Variants in CRTC1 observed in about 807,000 individuals in gnomAD.
The protein encoded by CRTC1 is CREB regulated transcription coactivator 1.
In CRTC1, 18 loss-of-function variants were observed where a neutral mutation model predicts 66.1. That is an observed-to-expected ratio of 0.27 (90% confidence interval 0.19 to 0.40). The LOEUF is 0.40. Ranked by LOEUF, CRTC1 falls within the 10% of genes least tolerant of loss-of-function variation. CRTC1 has a pLI of 1.00. For synonymous variants in CRTC1, 416 were observed against 398.8 expected, an observed-to-expected ratio of 1.04 and a Z score of -0.51; for missense variants, 669 against 887.9, an observed-to-expected ratio of 0.75 and a Z score of 3.13.
At chr19:18,746,024 G>A in intron 3 of CRTC1, 64 bp downstream of exon 3, 1 of 1,544,606 alleles carries the variant, frequency 6.5e-7, no homozygotes, top group Non-Finnish European at 8.8e-7. Context: ...AGGACCCCAA[G>A]TTTACCCAGC....
chr19:18,774,809 G>C (rs546457702), intron 11 of CRTC1, 91 bp from the exon 12 acceptor site: 5 of 1,211,480 alleles, frequency 4.1e-6, no homozygotes, highest in Middle Eastern at 1.9e-4. Context: ...GAGGTTCCAG[G>C]GGCCTCTTGT....
At chr19:18,701,926 T>G (rs969334849) in intron 1 of CRTC1, among the ~76,000 whole-genome samples, 11 of 149,750 alleles carry the variant, frequency 7.3e-5, no homozygotes, top group Admixed American at 1.3e-4. Context: ...CGTTTTGTTT[T>G]TTTTTTTTTT....
At chr19:18,759,432 C>A in intron 6 of CRTC1, 119 bp from the exon 7 acceptor site, 1 of 1,068,818 alleles carries the variant, frequency 9.4e-7, no homozygotes, top group Non-Finnish European at 1.4e-6. Flanking sequence ...AAGCTTGGTT[C>A]TCATGATGCA....
chr19:18,777,842 T>G lies in CRTC1; in HGVS notation c.*460T>G. 3.5e-6 allele frequency: 1 copy of G among 289,280 alleles called. No homozygotes were observed. Among genetic ancestry groups the G allele is most frequent in the Non-Finnish European group, 6.5e-6 (1 of 153,964 alleles). The allele number at this position is 289,280 out of a possible 1,614,324, so 17.9% of individuals were successfully genotyped here. A position where few individuals can be genotyped will look rare whatever the true frequency, so the allele number is the denominator to read the frequency against. ...CCTTGGTTCCCGGTCCCCCAGCCCA[T>G]CCGCCATCCCCAGCCCGTGGTCAGG... On this transcript the variant is annotated 3_prime_UTR_variant, in exon 14 of 14. Transcript: ENST00000321949. The surrounding 1 kb of genome is among the most constrained non-coding windows in gnomAD (Gnocchi z 5.5).
Position 18,742,949 on chromosome 19 carries a change from A to C in CRTC1, c.166A>C (p.Ser56Arg). Residue 56 changes from serine (S) to arginine (R), a missense_variant, in exon 2 of 14, where the codon AGC becomes CGC. Ser to Arg is a moderately radical substitution (Grantham distance 110, BLOSUM62 -1). This residue lies in a region of CRTC1 where 214 missense variants were observed against 323.4 expected (regional missense o/e 0.66). Transcript: ENST00000321949. ...ATCCCAGTACCTGCAACTGGGCCCC[A>C]GCCGAGGCCAGTACTATGGCGGGTC... The part of the protein sequence containing the change: ...QKSQYLQLGP[S>R]RGQYYGGSLP... The C allele has an allele frequency of 1.2e-6, 2 of 1,613,938 alleles. No individual in the cohort carries two copies. The highest frequency in any genetic ancestry group is 1.7e-6 in the Non-Finnish European group (2 of 1,179,978).
In CRTC1 at chr19:18,726,654, G is replaced by A. The variant is rs112690469; in HGVS notation, c.127-16256G>A. Among the ~76,000 whole-genome samples the A allele has an allele frequency of 1.1e-4, 17 of 152,330 alleles. 1 individual carries two copies. Among genetic ancestry groups the A allele is most frequent in the Middle Eastern group, 3.4e-3 (1 of 294 alleles). On this transcript the variant is annotated intron_variant, in intron 1 of 13. Transcript: ENST00000321949. ...CTTATAAAGAAGACAAAGGCTGGGC[G>A]TGGTGGCCCACTCCTGTAATCCCTG...
chr19:18,739,063 A>G (rs1377207787), intron 1 of CRTC1, among the ~76,000 whole-genome samples: 4 of 152,216 alleles, frequency 2.6e-5, no homozygotes, highest in African/African-American at 9.6e-5. Flanking sequence ...TCTCACAGCC[A>G]GGCAGCCAGG....
rs1335918875 is a variant in CRTC1 at position 18,741,385 on chromosome 19, G to A, written c.127-1525G>A. 6.6e-6 allele frequency among the ~76,000 whole-genome samples: 1 copy of A among 152,238 alleles called. No homozygotes were observed. Among genetic ancestry groups the A allele is most frequent in the Non-Finnish European group, 1.5e-5 (1 of 68,038 alleles). ...TGTGTCCCTCTCACACCCGCCTGTA[G>A]CACTCACTCTAGGTCGGGGACACAG... is the stretch of plus-strand genomic sequence containing the variant. On this transcript the variant is annotated intron_variant, in intron 1 of 13. Coordinates refer to ENST00000321949, the MANE Select transcript of CRTC1 (RefSeq NM_015321.3). This position sits in a 1 kb window ranked among gnomAD's most constrained non-coding sequence, Gnocchi z 4.2.
rs1555773648 is a variant in CRTC1, at chr19:18,688,472, CCT to C, written c.126+4645_126+4646del. On this transcript the variant is annotated intron_variant, in intron 1 of 13. Transcript: ENST00000321949. The stretch of plus-strand genomic sequence containing the variant: ...TTTGTTTTTTTGAGGAGGAGCCCCC[CCT>C]GTCGCCCAGGCTGGAGTGTGGTGGT... 4.9e-3 allele frequency among the ~76,000 whole-genome samples: 749 copies of C among 151,948 alleles called. 9 individuals are homozygous for C. The highest frequency in any genetic ancestry group is 0.017 in the African/African-American group (706 of 41,368).
At chr19:18,756,605 C>A (rs1055402326) in intron 6 of CRTC1, among the ~76,000 whole-genome samples, 3 of 124,700 alleles carry the variant, frequency 2.4e-5, no homozygotes, top group Non-Finnish European at 3.2e-5. Context: ...CAGAGCAAGA[C>A]CCTGTCTCTA....
At chr19:18,759,444 C>G in intron 6 of CRTC1, 107 bp from the exon 7 acceptor site, 1 of 1,207,008 alleles carries the variant, frequency 8.3e-7, no homozygotes, top group South Asian at 1.3e-5. Flanking sequence ...CATGATGCAT[C>G]TCTGGGCTTT....
intron 1 of CRTC1, among the ~76,000 whole-genome samples, chr19:18,722,414 G>A (rs1284499699): frequency 6.6e-6 from 1 of 152,190 alleles, no homozygotes; most frequent in African/African-American, 2.4e-5. Context: ...AGGTCTTTGG[G>A]GGTGTGATGA....
At chr19:18,772,075 C>T (rs1022315293) in intron 11 of CRTC1, among the ~76,000 whole-genome samples, 1 of 152,192 alleles carries the variant, frequency 6.6e-6, no homozygotes, top group Non-Finnish European at 1.5e-5. Flanking sequence ...GCCCTTGTCC[C>T]CATTCCACAG....
rs145650840 is a variant in CRTC1, at chr19:18,763,170, G to A, written c.887-2234G>A. Among the ~76,000 whole-genome samples the A allele has an allele frequency of 5.0e-3, 746 of 150,480 alleles. 4 individuals carry two copies. Among genetic ancestry groups the A allele is most frequent in the African/African-American group, 0.017 (707 of 40,794 alleles). On this transcript the variant is annotated intron_variant, in intron 8 of 13. Coordinates refer to ENST00000321949, the MANE Select transcript of CRTC1 (RefSeq NM_015321.3). ...GGCTGGAGTGCAGTGGTGTGATCTC[G>A]GCTCACTGCAACCTTCGCCTCCCAG...
intron 8 of CRTC1, among the ~76,000 whole-genome samples, chr19:18,761,875 C>G (rs759128336): frequency 1.3e-5 from 2 of 152,054 alleles, no homozygotes; most frequent in Non-Finnish European, 2.9e-5. Flanking sequence ...CCAGCCCGAG[C>G]GCATTGAGGC....
chr19:18,716,137 A>G (rs998744234), intron 1 of CRTC1, among the ~76,000 whole-genome samples: 1 of 151,700 alleles, frequency 6.6e-6, no homozygotes, highest in Non-Finnish European at 1.5e-5. Flanking sequence ...CGCCCTGGGG[A>G]CCCTGTAGTG....
At chr19:18,729,413 G>A (rs1195847247) in intron 1 of CRTC1, among the ~76,000 whole-genome samples, 3 of 147,094 alleles carry the variant, frequency 2.0e-5, no homozygotes, top group African/African-American at 5.0e-5. Flanking sequence ...GCAACAGAGC[G>A]AGACTCCGTC....
At position 18,741,213 on chromosome 19, in the gene CRTC1, A is replaced by T. The variant is rs888520708; in HGVS notation, c.127-1697A>T. Among the ~76,000 whole-genome samples, 6 of 152,178 alleles carry T rather than the reference A, an allele frequency of 3.9e-5. No homozygotes were observed. The South Asian group carries it at 6.2e-4, about 16-fold the overall frequency. ...CCCCAGTCCTGTAGATTGTCCCCGC[A>T]TCCCAGGTTTCCTGTGGCCCGGGGA... is the stretch of plus-strand genomic sequence containing the variant. On this transcript the variant is annotated intron_variant, in intron 1 of 13. Coordinates refer to ENST00000321949, the MANE Select transcript of CRTC1 (RefSeq NM_015321.3). The surrounding 1 kb of genome is among the most constrained non-coding windows in gnomAD (Gnocchi z 4.2).
chr19:18,691,025 CAAAA>C (rs751088340), intron 1 of CRTC1, among the ~76,000 whole-genome samples: 3 of 58,124 alleles, frequency 5.2e-5, no homozygotes, highest in African/African-American at 6.5e-5. Context: ...GACTCCGTCT[CAAAA>C]AAAAAAAAAA....
Sources: gnomAD v4.1 joint callset for allele counts (sites outside exome capture counted in the v4.1 genomes callset) on GRCh38, gnomAD v4.1.1 for gene constraint, gnomAD v4.1.1 regional missense constraint, Gnocchi (gnomAD v3.1) non-coding constraint, MANE v1.5 for transcripts, NCBI Gene and HGNC (gene_info 2026-07-23, HGNC 2026-07-21) for gene names.